The following PDK1 variants were observed in gnomAD, a reference collection of about 807,000 sequenced individuals.
PDK1 encodes [Pyruvate dehydrogenase (acetyl-transferring)] kinase isozyme 1, mitochondrial.
In PDK1, 39 loss-of-function variants were observed where a neutral mutation model predicts 54.2. The ratio of observed to expected loss-of-function variants is 0.72; its 90% CI spans 0.56 to 0.94. The LOEUF (loss-of-function observed/expected upper bound fraction) is 0.94, where lower values mean the gene tolerates loss of function less well. Ranked by LOEUF, PDK1 falls within the 40% of genes least tolerant of loss-of-function variation. PDK1 has a pLI of 0.00. For synonymous variants in PDK1, 221 were observed against 207.1 expected (o/e 1.07, Z -0.58); for missense variants, 552 against 566.0 (o/e 0.98, Z 0.25).
chr2:172,689,197 T>C, the PDK1 span, among the ~76,000 whole-genome samples: 2 of 152,178 alleles, frequency 1.3e-5, no homozygotes, highest in African/African-American at 2.4e-5. Flanking sequence ...TGCTGATTGG[T>C]CCATTTTACA....
chr2:172,557,244 G>A (rs1688385992), intron 1 of PDK1, among the ~76,000 whole-genome samples: 1 of 152,134 alleles, frequency 6.6e-6, no homozygotes, highest in South Asian at 2.1e-4. Context: ...CGAATTTGGT[G>A]GTATTCATGA....
chr2:172,619,937 G>C, the PDK1 span, among the ~76,000 whole-genome samples: 636 of 152,312 alleles, frequency 4.2e-3, 4 homozygotes, highest in African/African-American at 0.014. Context: ...GGCCCAGGTG[G>C]GTGGATCATT....
At chr2:172,710,024 C>T in the PDK1 span, among the ~76,000 whole-genome samples, 8,635 of 152,144 alleles carry the variant, frequency 0.057, 329 homozygotes, top group Middle Eastern at 0.095. Context: ...TAGAGGAAAT[C>T]GCTGACCCTG....
chr2:172,662,142 T>G, the PDK1 span, among the ~76,000 whole-genome samples: 2 of 152,192 alleles, frequency 1.3e-5, no homozygotes, highest in African/African-American at 2.4e-5. Context: ...AGTTCCAACA[T>G]ACATTTTCAT....
the PDK1 span, among the ~76,000 whole-genome samples, chr2:172,683,334 G>A: frequency 1.2e-4 from 14 of 114,118 alleles, no homozygotes; most frequent in African/African-American, 3.7e-4. Flanking sequence ...GCGACAGAGC[G>A]AAACTCCGTC....
the PDK1 span, among the ~76,000 whole-genome samples, chr2:172,642,844 T>TCTCCTTCTC: frequency 1.4e-5 from 2 of 148,006 alleles, no homozygotes; most frequent in African/African-American, 2.5e-5. Flanking sequence ...TCCTCTTCCT[T>TCTCCTTCTC]CTCCTTCTCC....
the PDK1 span, among the ~76,000 whole-genome samples, chr2:172,635,154 A>G: frequency 2.0e-5 from 3 of 152,322 alleles, no homozygotes; most frequent in Admixed American, 6.5e-5. Context: ...ATATGTTTCT[A>G]TATACTATAG....
At chr2:172,709,793 T>C in the PDK1 span, among the ~76,000 whole-genome samples, 16 of 152,212 alleles carry the variant, frequency 1.1e-4, no homozygotes, top group African/African-American at 3.4e-4. Context: ...ACATCACTTC[T>C]TCCAGTCTGT....
the PDK1 span, among the ~76,000 whole-genome samples, chr2:172,620,955 CA>C: frequency 0.28 from 41,958 of 151,836 alleles, 6,052 homozygotes; most frequent in African/African-American, 0.37. Context: ...AATACAGGCT[CA>C]AAGGAGAAAA....
intron 8 of PDK1, among the ~76,000 whole-genome samples, chr2:172,571,769 C>T (rs1224770624): frequency 2.0e-5 from 3 of 149,854 alleles, no homozygotes; most frequent in Non-Finnish European, 4.4e-5. Flanking sequence ...TCAAATGTGT[C>T]AGTTCCTGGC....
chr2:172,594,753 G>T (rs1192647307), intron 10 of PDK1, among the ~76,000 whole-genome samples: 4 of 152,198 alleles, frequency 2.6e-5, no homozygotes, highest in Non-Finnish European at 5.9e-5. Flanking sequence ...TGTTCAGGGT[G>T]TTCTGCATCT....
chr2:172,700,585 C>T, the PDK1 span, among the ~76,000 whole-genome samples: 1 of 152,178 alleles, frequency 6.6e-6, no homozygotes, highest in Non-Finnish European at 1.5e-5. Context: ...AGACGCTCCT[C>T]ACTTCTTAGA....
At chr2:172,623,059 A>T in the PDK1 span, among the ~76,000 whole-genome samples, 1 of 151,880 alleles carries the variant, frequency 6.6e-6, no homozygotes. Context: ...CTGAGGCAGG[A>T]GAATTGCTTG....
chr2:172,651,067 G>C, the PDK1 span, among the ~76,000 whole-genome samples: 1 of 152,134 alleles, frequency 6.6e-6, no homozygotes, highest in Non-Finnish European at 1.5e-5. Flanking sequence ...TGACCACATA[G>C]TTGGAAGTAA....
the PDK1 span, among the ~76,000 whole-genome samples, chr2:172,680,475 T>G: frequency 1.3e-5 from 2 of 152,108 alleles, no homozygotes; most frequent in Non-Finnish European, 2.9e-5. Flanking sequence ...CCTCAGCCTT[T>G]GGAATAGCTG....
chr2:172,582,937 C>T (rs1458022912), intron 8 of PDK1, among the ~76,000 whole-genome samples: 2 of 152,238 alleles, frequency 1.3e-5, no homozygotes, highest in African/African-American at 2.4e-5. Flanking sequence ...CCCATGCAGC[C>T]TGAGGCTGGA....
chr2:172,623,853 C>T, the PDK1 span, among the ~76,000 whole-genome samples: 1 of 152,202 alleles, frequency 6.6e-6, no homozygotes, highest in African/African-American at 2.4e-5. Flanking sequence ...GCAGGTTGCT[C>T]ATTGGGCACT....
At chr2:172,621,339 G>A in the PDK1 span, among the ~76,000 whole-genome samples, 1 of 152,094 alleles carries the variant, frequency 6.6e-6, no homozygotes, top group South Asian at 2.1e-4. Flanking sequence ...GCAGAAAAAC[G>A]TGAAAAGACT....
the PDK1 span, among the ~76,000 whole-genome samples, chr2:172,633,318 G>A: frequency 5.6e-4 from 84 of 151,206 alleles, no homozygotes; most frequent in African/African-American, 2.0e-3. Flanking sequence ...AAAGCACTGG[G>A]ATTACAAGTG....
Sources: gnomAD v4.1 joint callset for allele counts (sites outside exome capture counted in the v4.1 genomes callset) on GRCh38, gnomAD v4.1.1 for gene constraint, MANE v1.5 for transcripts, NCBI Gene and HGNC (gene_info 2026-07-23, HGNC 2026-07-21) for gene names.